KLHL29: variants seen among roughly 807,000 people sequenced by gnomAD.
KLHL29 encodes kelch like family member 29.
Under a neutral mutation model 80.4 loss-of-function variants are expected in KLHL29, and 21 were observed. That is an observed-to-expected ratio of 0.26 (90% CI 0.19 to 0.38). The LOEUF is 0.38. Ranked by LOEUF, KLHL29 falls within the 10% of genes least tolerant of loss-of-function variation. The pLI is 1.00. For synonymous variants in KLHL29, 511 were observed against 526.8 expected (o/e 0.97, Z 0.41); for missense variants, 867 against 1,223.9 (o/e 0.71, Z 4.35).
chr2:23,425,361 G>A (rs1344510423), intron 1 of KLHL29, among the ~76,000 whole-genome samples: 1 of 152,124 alleles, frequency 6.6e-6, no homozygotes, highest in East Asian at 1.9e-4. Context: ...GGAGAGAAGT[G>A]AGGGTGGGGA....
intron 1 of KLHL29, among the ~76,000 whole-genome samples, chr2:23,448,363 A>G (rs1180649391): frequency 6.6e-6 from 1 of 152,196 alleles, no homozygotes; most frequent in Non-Finnish European, 1.5e-5. Flanking sequence ...CAACCCTTTG[A>G]GGCAGTTGAT....
intron 1 of KLHL29, among the ~76,000 whole-genome samples, chr2:23,462,058 A>G (rs1034491873): frequency 6.7e-6 from 1 of 149,828 alleles, no homozygotes; most frequent in African/African-American, 2.5e-5. Context: ...CCTTCCACCC[A>G]TGAGAAGAGA....
intron 3 of KLHL29, among the ~76,000 whole-genome samples, chr2:23,630,576 C>A (rs188064505): frequency 1.2e-3 from 183 of 152,270 alleles, no homozygotes; most frequent in African/African-American, 4.3e-3. Context: ...CTCCACCTCC[C>A]AGATTCAAGT....
At chr2:23,706,458 C>A in intron 13 of KLHL29, 23 bp from the exon 14 acceptor site, 1 of 1,437,178 alleles carries the variant, frequency 7.0e-7, no homozygotes, top group Non-Finnish European at 9.2e-7. Flanking sequence ...ATGCCTAACT[C>A]TGTCCCCGCT....
intron 1 of KLHL29, among the ~76,000 whole-genome samples, chr2:23,418,768 G>C (rs1156615887): frequency 1.3e-5 from 2 of 151,884 alleles, no homozygotes; most frequent in Non-Finnish European, 2.9e-5. Context: ...TGTGAGTCAG[G>C]GATAACCTTA....
chr2:23,575,569 A>G (rs560144882), intron 3 of KLHL29, among the ~76,000 whole-genome samples: 180 of 152,324 alleles, frequency 1.2e-3, no homozygotes, highest in African/African-American at 4.3e-3. Context: ...TCACAATTGC[A>G]TGAGGTTGGG....
At chr2:23,441,799 G>T (rs887732840) in intron 1 of KLHL29, among the ~76,000 whole-genome samples, 3 of 152,156 alleles carry the variant, frequency 2.0e-5, no homozygotes, top group Non-Finnish European at 4.4e-5. Context: ...ACAGCATGAT[G>T]GTTGGATTCT....
rs1667488705 is a variant in KLHL29, at chr2:23,562,933, C to T, written c.285+452C>T. On this transcript the variant is annotated intron_variant, in intron 3 of 13. Coordinates refer to ENST00000486442, the MANE Select transcript of KLHL29 (RefSeq NM_052920.2). This position sits in a 1 kb window ranked among gnomAD's most constrained non-coding sequence, Gnocchi z 4.5. The stretch of plus-strand genomic sequence containing the variant: ...CCACACTTTATTAACCACTGGGCCT[C>T]GTGTTCTCATATCCGTTGTCTCTTC... 1.3e-5 allele frequency among the ~76,000 whole-genome samples: 2 copies of T among 152,180 alleles called. No homozygotes were observed. The highest frequency in any genetic ancestry group is 6.5e-5 in the Admixed American group (1 of 15,278).
intron 1 of KLHL29, among the ~76,000 whole-genome samples, chr2:23,427,871 G>A (rs997355373): frequency 1.3e-5 from 2 of 152,098 alleles, no homozygotes; most frequent in Admixed American, 6.6e-5. Flanking sequence ...AACAATGTTG[G>A]GAGCCCATCA....
At chr2:23,465,771 T>C (rs1664334385) in intron 1 of KLHL29, among the ~76,000 whole-genome samples, 1 of 152,120 alleles carries the variant, frequency 6.6e-6, no homozygotes, top group South Asian at 2.1e-4. Flanking sequence ...ACCACCTTCC[T>C]CCAGGACCCC....
chr2:23,514,435 G>T (rs578063685), intron 2 of KLHL29, among the ~76,000 whole-genome samples: 38 of 152,304 alleles, frequency 2.5e-4, no homozygotes, highest in African/African-American at 8.2e-4. Flanking sequence ...CCCACAGGAG[G>T]CTGGGCTTAT....
At chr2:23,441,226 A>G (rs1663507973) in intron 1 of KLHL29, among the ~76,000 whole-genome samples, 1 of 151,464 alleles carries the variant, frequency 6.6e-6, no homozygotes, top group Non-Finnish European at 1.5e-5. Context: ...AACTATCACA[A>G]AGTCAAAAAA....
In KLHL29 at chr2:23,439,939, G is replaced by A. The variant is rs574698570; in HGVS notation, c.-153-35621G>A. Among the ~76,000 whole-genome samples, 8 of 151,442 alleles carry A rather than the reference G, an allele frequency of 5.3e-5. No homozygotes were observed. In the South Asian group the frequency reaches 1.7e-3, roughly 32 times the overall value. On this transcript the variant is annotated intron_variant, in intron 1 of 13. Coordinates refer to ENST00000486442, the MANE Select transcript of KLHL29 (RefSeq NM_052920.2). ...TAAAGTCTCCCATTATTATTGTGTG[G>A]GAGTCTAAGTCTGTTTGTAGGTCAC...
At chr2:23,665,521 T>A (rs930205576) in intron 5 of KLHL29, among the ~76,000 whole-genome samples, 1 of 152,218 alleles carries the variant, frequency 6.6e-6, no homozygotes, top group African/African-American at 2.4e-5. Flanking sequence ...ACTAGGGAAC[T>A]GTCCTGGTCC....
intron 3 of KLHL29, among the ~76,000 whole-genome samples, chr2:23,589,998 T>A (rs1668216052): frequency 6.6e-6 from 1 of 152,208 alleles, no homozygotes; most frequent in African/African-American, 2.4e-5. Context: ...AGCCAGCCCT[T>A]CCAAAGGGAG....
intron 3 of KLHL29, among the ~76,000 whole-genome samples, chr2:23,610,920 G>A (rs1668842767): frequency 6.6e-6 from 1 of 152,180 alleles, no homozygotes; most frequent in Non-Finnish European, 1.5e-5. Context: ...CACAGTTTCA[G>A]GTGCTTTGGT....
At chr2:23,592,425 G>C (rs888332000) in intron 3 of KLHL29, among the ~76,000 whole-genome samples, 1 of 152,188 alleles carries the variant, frequency 6.6e-6, no homozygotes, top group African/African-American at 2.4e-5. Context: ...TGTGTCCTGG[G>C]GCAGCTGCTC....
At chr2:23,492,189 G>A (rs985048619) in intron 2 of KLHL29, among the ~76,000 whole-genome samples, 1 of 152,186 alleles carries the variant, frequency 6.6e-6, no homozygotes, top group Non-Finnish European at 1.5e-5. Flanking sequence ...GAGACCTCGT[G>A]CCACTGTGCC....
rs1044121142 is a variant in KLHL29 at position 23,703,743 on chromosome 2, C to T, written c.2324C>T (p.Thr775Met). 19 of 1,536,978 alleles carry T rather than the reference C, an allele frequency of 1.2e-5. No individual in the cohort carries two copies. Among genetic ancestry groups the T allele is most frequent in the East Asian group, 2.4e-5 (1 of 40,932 alleles). ...GACAACAAGTATGCCCCCGCTGTCA[C>T]GCTCAATGGCTTCGTTTTCATCCTG... Reference protein sequence around the residue: ...MIDNKYAPAVTLNGFVFILGG... With the variant: ...MIDNKYAPAVMLNGFVFILGG... The change falls in exon 13 of 14, where the codon ACG becomes ATG. Residue 775 changes from threonine (T) to methionine (M), a missense_variant. This residue lies in a region of KLHL29 where 443 missense variants were observed against 767.0 expected (regional missense o/e 0.58). Transcript: ENST00000486442.
Sources: allele counts gnomAD v4.1 joint callset (sites outside exome capture counted in the v4.1 genomes callset), GRCh38; gene constraint gnomAD v4.1.1; regional missense constraint gnomAD v4.1.1; non-coding constraint Gnocchi (gnomAD v3.1); transcripts MANE v1.5; gene names NCBI Gene and HGNC (gene_info 2026-07-23, HGNC 2026-07-21).